ROBO2: variants seen among roughly 807,000 people sequenced by gnomAD.
ROBO2 encodes the protein roundabout guidance receptor 2, also known as roundabout homolog 2.
A neutral mutation model predicts 160.8 loss-of-function variants in ROBO2; 53 were observed. The observed-to-expected ratio is 0.33, with a 90% confidence interval of 0.26 to 0.41. The LOEUF (loss-of-function observed/expected upper bound fraction) is 0.41. ROBO2 is among the 10% of genes least tolerant of loss of function. ROBO2 has a pLI of 1.00. For missense variants in ROBO2, 1,577 were observed against 1,722.4 expected, an observed-to-expected ratio of 0.92 and a Z score of 1.49; for synonymous variants, 664 against 611.7, an observed-to-expected ratio of 1.09 and a Z score of -1.26.
intron 2 of ROBO2, among the ~76,000 whole-genome samples, chr3:77,359,480 A>G (rs570886740): frequency 1.3e-5 from 2 of 152,290 alleles, no homozygotes; most frequent in South Asian, 2.1e-4. Flanking sequence ...GAAGATTTCA[A>G]TATGTGCCTT....
chr3:77,504,797 T>C (rs1481617595), intron 5 of ROBO2, among the ~76,000 whole-genome samples: 2 of 152,224 alleles, frequency 1.3e-5, no homozygotes, highest in Non-Finnish European at 2.9e-5. Context: ...GAGATATGCA[T>C]AACATTATTA....
At chr3:76,763,438 G>T (rs530071574) in intron 2 of ROBO2, among the ~76,000 whole-genome samples, 1 of 151,732 alleles carries the variant, frequency 6.6e-6, no homozygotes, top group South Asian at 2.1e-4. Context: ...ACTTCTAGCT[G>T]TCCATTATTT....
intron 2 of ROBO2, among the ~76,000 whole-genome samples, chr3:76,116,421 C>A (rs911822107): frequency 6.6e-6 from 1 of 152,122 alleles, no homozygotes; most frequent in African/African-American, 2.4e-5. Context: ...TATACCATTT[C>A]TGCATGTAAT....
intron 2 of ROBO2, among the ~76,000 whole-genome samples, chr3:76,154,297 T>C (rs2072320136): frequency 6.6e-6 from 1 of 152,120 alleles, no homozygotes; most frequent in Non-Finnish European, 1.5e-5. Flanking sequence ...GAATATATGA[T>C]TTTGAGTCAT....
chr3:76,999,803 TG>T (rs2061240091), intron 2 of ROBO2, among the ~76,000 whole-genome samples: 1 of 152,190 alleles, frequency 6.6e-6, no homozygotes, highest in South Asian at 2.1e-4. Context: ...TTTTCATCTT[TG>T]TAAGTAGGTA....
At chr3:76,090,135 GTA>G (rs1182988998) in intron 2 of ROBO2, among the ~76,000 whole-genome samples, 2 of 152,112 alleles carry the variant, frequency 1.3e-5, no homozygotes, top group Non-Finnish European at 2.9e-5. Flanking sequence ...CAAAATCTAT[GTA>G]AGGAACACTA....
intron 2 of ROBO2, among the ~76,000 whole-genome samples, chr3:77,288,847 AG>A (rs1329160591): frequency 1.3e-5 from 2 of 152,332 alleles, no homozygotes; most frequent in Non-Finnish European, 2.9e-5. Context: ...ACTGTATTAT[AG>A]TATCATGGAG....
At chr3:76,603,559 T>G (rs1162106492) in intron 2 of ROBO2, among the ~76,000 whole-genome samples, 1 of 150,926 alleles carries the variant, frequency 6.6e-6, no homozygotes, top group Non-Finnish European at 1.5e-5. Flanking sequence ...ATAGATGGAG[T>G]TTTTTTTAAA....
intron 2 of ROBO2, among the ~76,000 whole-genome samples, chr3:76,011,546 C>T (rs2066194487): frequency 6.6e-6 from 1 of 152,128 alleles, no homozygotes; most frequent in Admixed American, 6.5e-5. Flanking sequence ...GAATTGGACT[C>T]TGCAAGTGGT....
intron 23 of ROBO2, among the ~76,000 whole-genome samples, chr3:77,624,347 G>C (rs1350487528): frequency 6.6e-6 from 1 of 152,082 alleles, no homozygotes; most frequent in Non-Finnish European, 1.5e-5. Flanking sequence ...GTATGTGTTA[G>C]ATGTGTGAGT....
At position 76,803,428 on chromosome 3, in the gene ROBO2, A is replaced by C. The variant is rs371013308; in HGVS notation, c.110-294586A>C. On this transcript the variant is annotated intron_variant, in intron 2 of 26. Transcript: ENST00000487694. ...ACAGAAAAGGAGGAGGAGGATACAA[A>C]AGAGGAGGAAGGATGGAGGGAAGGA... Among the ~76,000 whole-genome samples, 122 of 65,036 alleles carry C rather than the reference A, an allele frequency of 1.9e-3. No individual in the cohort carries two copies. The South Asian group carries it at 0.062, about 33-fold the overall frequency. 42.7% of individuals were successfully genotyped at this position (65,036 alleles called of 152,430 possible).
chr3:77,336,583 A>G (rs1202742842), intron 2 of ROBO2, among the ~76,000 whole-genome samples: 10 of 150,862 alleles, frequency 6.6e-5, no homozygotes, highest in Non-Finnish European at 1.5e-4. Context: ...ATGGACTAGG[A>G]TTGGGAAAGA....
Position 76,381,034 on chromosome 3 carries a change from T to TAA in ROBO2, c.109+443448_109+443449dup, listed in dbSNP as rs57061903. 1.4e-3 allele frequency among the ~76,000 whole-genome samples: 144 copies of TAA among 105,456 alleles called. 2 individuals are homozygous for TAA. Among genetic ancestry groups the TAA allele is most frequent in the African/African-American group, 3.3e-3 (108 of 32,766 alleles). The allele number at this position is 105,456 out of a possible 152,430, so 69.2% of individuals were successfully genotyped here. On this transcript the variant is annotated intron_variant, in intron 2 of 26. Transcript: ENST00000487694. Reference sequence around the variant, plus strand: ...GCATTTACAGCTTACGTGAGCGGACTAAAAAAAAAAAAAAAAAGCAGATAA... The same window carrying TAA: ...GCATTTACAGCTTACGTGAGCGGACTAAAAAAAAAAAAAAAAAAAGCAGATAA...
chr3:76,467,030 C>T (rs1184478858), intron 2 of ROBO2, among the ~76,000 whole-genome samples: 1 of 151,812 alleles, frequency 6.6e-6, no homozygotes, highest in African/African-American at 2.4e-5. Context: ...AGCTGAAAAA[C>T]AATATACTAC....
intron 2 of ROBO2, among the ~76,000 whole-genome samples, chr3:76,475,599 G>T (rs1014493533): frequency 2.6e-5 from 4 of 151,664 alleles, no homozygotes; most frequent in Non-Finnish European, 4.4e-5. Flanking sequence ...GGGGGAGGGG[G>T]AAATGAACTG....
In ROBO2 at chr3:77,509,806, G is replaced by A. The variant is rs116370716; in HGVS notation, c.807-12969G>A. 7.3e-3 allele frequency among the ~76,000 whole-genome samples: 1,115 copies of A among 152,096 alleles called. 9 individuals carry two copies. Among genetic ancestry groups the A allele is most frequent in the African/African-American group, 0.025 (1,030 of 41,496 alleles). On this transcript the variant is annotated intron_variant, in intron 5 of 25. Coordinates refer to ENST00000461745, the Ensembl canonical transcript of ROBO2. ...CAAATTTGTCACGGCTGCCTACTAGGTTCAAGTAACTGTACTAAGTTCTGA... is the reference window on the plus strand; with the variant it reads ...CAAATTTGTCACGGCTGCCTACTAGATTCAAGTAACTGTACTAAGTTCTGA...
At chr3:76,664,239 A>T (rs1320998014) in intron 2 of ROBO2, among the ~76,000 whole-genome samples, 1 of 152,150 alleles carries the variant, frequency 6.6e-6, no homozygotes, top group Non-Finnish European at 1.5e-5. Context: ...TGAAGGTCTG[A>T]TGTTGGGTAG....
intron 2 of ROBO2, among the ~76,000 whole-genome samples, chr3:75,969,174 TTATAA>T (rs1440104020): frequency 7.4e-5 from 11 of 148,620 alleles, no homozygotes; most frequent in African/African-American, 2.7e-4. Flanking sequence ...GTTTATAAGA[TTATAA>T]TATGATATAT....
chr3:77,527,453 C>A, intron 6 of ROBO2, 39 bp downstream of exon 7: 1 of 1,262,962 alleles, frequency 7.9e-7, no homozygotes, highest in Non-Finnish European at 1.0e-6. Context: ...CATGGCTTTG[C>A]ACAGTGCTTC....
Sources: allele counts gnomAD v4.1 joint callset (sites outside exome capture counted in the v4.1 genomes callset), GRCh38; gene constraint gnomAD v4.1.1; transcripts MANE v1.5; gene names NCBI Gene and HGNC (gene_info 2026-07-23, HGNC 2026-07-21).